Variants in ECPAS observed in about 807,000 individuals in gnomAD.
ECPAS encodes proteasome adapter and scaffold protein ECM29.
ECPAS carries 70 observed loss-of-function variants against 255.1 expected under a neutral mutation model. The ratio of observed to expected loss-of-function variants is 0.27; its 90% CI spans 0.23 to 0.33. The LOEUF (loss-of-function observed/expected upper bound fraction) is 0.33, where lower values mean the gene tolerates loss of function less well. Among genes scored for constraint, ECPAS ranks in the 10% least tolerant of loss-of-function variants. The probability of loss-of-function intolerance (pLI) is 1.00; values close to 1 mark genes in which losing one functional copy is unlikely to be tolerated. For synonymous variants in ECPAS, 784 were observed against 775.0 expected (o/e 1.01, Z -0.19); for missense variants, 1,817 against 2,206.4 (o/e 0.82, Z 3.54).
In ECPAS at chr9:111,384,884, TAA is replaced by T. The variant is rs576787692; in HGVS notation, c.3634-317_3634-316del. On this transcript the variant is annotated intron_variant, in intron 33 of 49. Coordinates refer to ENST00000684092, the MANE Select transcript of ECPAS (RefSeq NM_001364929.1). ...ATCTATGTGAGAATTCTGAAACACTTAAAAGCCTCCAATAAATAAAGCAAAAA... is the reference window on the plus strand; with the variant it reads ...ATCTATGTGAGAATTCTGAAACACTTAAGCCTCCAATAAATAAAGCAAAAA... 1.8e-3 allele frequency among the ~76,000 whole-genome samples: 274 copies of T among 152,192 alleles called. 2 individuals carry two copies. Among genetic ancestry groups the T allele is most frequent in the Middle Eastern group, 0.01 (3 of 294 alleles).
chr9:111,474,939 C>A (rs530280954), intron 1 of ECPAS, among the ~76,000 whole-genome samples: 2 of 152,160 alleles, frequency 1.3e-5, no homozygotes, highest in Admixed American at 6.6e-5. Context: ...TTCACACAGC[C>A]GTAGCACCCC....
chr9:111,371,811 C>A lies in ECPAS; in HGVS notation c.4547G>T (p.Arg1516Leu), dbSNP rs769118286. The change falls in exon 43 of 50, where the codon CGA (arginine) becomes CTA (leucine). Residue 1516 changes from arginine to leucine, a missense_variant. Coordinates refer to ENST00000684092, the MANE Select transcript of ECPAS (RefSeq NM_001364929.1). ...ENVPGSFGGI[R>L]LYLQELITIT... ...AGTAATTAACTCCTGCAGGTATAAT[C>A]GAATGCCACCAAAGGATCCTAGGAA... 33 of 1,612,216 alleles carry A rather than the reference C, an allele frequency of 2.0e-5. No individual in the cohort carries two copies. Among genetic ancestry groups the A allele is most frequent in the Non-Finnish European group, 2.8e-5 (33 of 1,178,594 alleles).
In ECPAS at chr9:111,384,436, C is replaced by A; in HGVS notation, c.3681+86G>T. 2.4e-6 allele frequency: 3 copies of A among 1,239,370 alleles called. No homozygotes were observed. The South Asian group carries it at 3.7e-5, about 15-fold the overall frequency. 76.8% of individuals were successfully genotyped at this position (1,239,370 alleles called of 1,614,324 possible). A position where few individuals can be genotyped will look rare whatever the true frequency, so the allele number is the denominator to read the frequency against. ...AGCCAATTATACTGCAACTAAATGTCTTTTCCTATGACAGTAAGTAAATCA... is the reference window on the plus strand; with the variant it reads ...AGCCAATTATACTGCAACTAAATGTATTTTCCTATGACAGTAAGTAAATCA... On this transcript the variant is annotated intron_variant, in intron 34 of 49. Transcript: ENST00000684092.
chr9:111,475,669 G>A (rs2098295291), intron 1 of ECPAS, among the ~76,000 whole-genome samples: 1 of 151,556 alleles, frequency 6.6e-6, no homozygotes, highest in Non-Finnish European at 1.5e-5. Context: ...CTGGGAGGCA[G>A]AGGTTGCAAT....
chr9:111,378,677 T>G lies in ECPAS; in HGVS notation c.3857A>C (p.His1286Pro). The part of the protein sequence containing the change: ...SKSAGAMLKP[H>P]APKLIPALLE... ...CAGAGCTGGAATGAGTTTTGGTGCA[T>G]GCGGTTTCAACATGGCTCCTGCACT... The change falls in exon 36 of 50, where the codon CAT (histidine) becomes CCT (proline). Residue 1286 changes from histidine to proline, a missense_variant. His to Pro is a moderately conservative substitution (Grantham distance 77). This residue lies in a region of ECPAS where 960 missense variants were observed against 1,179.0 expected (regional missense o/e 0.81). Transcript: ENST00000684092. 1 of 1,613,838 alleles carries G rather than the reference T, an allele frequency of 6.2e-7. No homozygotes were observed. Among genetic ancestry groups the G allele is most frequent in the South Asian group, 1.1e-5 (1 of 91,066 alleles).
chr9:111,417,984 C>T lies in ECPAS; in HGVS notation c.1582G>A (p.Ala528Thr). The T allele has an allele frequency of 2.5e-6, 4 of 1,604,226 alleles. No homozygotes were observed. The highest frequency in any genetic ancestry group is 2.6e-6 in the Non-Finnish European group (3 of 1,176,170). ...GDPREEVHGEAQRVLRCLPGR... is the reference protein window; with the variant it reads ...GDPREEVHGETQRVLRCLPGR... Reference sequence around the variant, plus strand: ...GGAAGACACCTTAATACGCGTTGTGCTTCTCCATGAACTTCTTCACGTCTT... The same window carrying T: ...GGAAGACACCTTAATACGCGTTGTGTTTCTCCATGAACTTCTTCACGTCTT... The change falls in exon 17 of 50, where the codon GCA (alanine) becomes ACA (threonine). Residue 528 changes from alanine (A) to threonine (T), a missense_variant. Ala to Thr is a moderately conservative substitution (Grantham distance 58, BLOSUM62 0). Around this residue, in one of 4 missense-constraint regions of ECPAS, gnomAD observed 573 missense variants for 716.2 expected, o/e 0.80. Coordinates refer to ENST00000684092, the MANE Select transcript of ECPAS (RefSeq NM_001364929.1).
intron 46 of ECPAS, among the ~76,000 whole-genome samples, 174 bp from the exon 47 acceptor site, chr9:111,366,801 A>T (rs1025204598): frequency 5.9e-5 from 9 of 152,180 alleles, no homozygotes; most frequent in Non-Finnish European, 1.2e-4. Context: ...AACAATAAAT[A>T]CTTTTAATTA....
chr9:111,460,042 AAAT>A (rs1246730188), intron 2 of ECPAS, among the ~76,000 whole-genome samples: 4 of 152,224 alleles, frequency 2.6e-5, no homozygotes, highest in Non-Finnish European at 4.4e-5. Context: ...TGAGATAATA[AAAT>A]AATATTTAAA....
chr9:111,422,600 C>T (rs866468488), intron 13 of ECPAS, among the ~76,000 whole-genome samples: 11 of 152,120 alleles, frequency 7.2e-5, no homozygotes, highest in African/African-American at 2.7e-4. Flanking sequence ...CTTCCAAACC[C>T]CAAAGCTCCT....
intron 35 of ECPAS, among the ~76,000 whole-genome samples, chr9:111,380,191 G>A (rs2098138858): frequency 6.6e-6 from 1 of 152,214 alleles, no homozygotes. Context: ...CAGAATGGAT[G>A]TTGTGTTATG....
At chr9:111,423,314 T>A in intron 12 of ECPAS, 66 bp from the exon 13 acceptor site, 1 of 1,120,176 alleles carries the variant, frequency 8.9e-7, no homozygotes, top group Non-Finnish European at 1.3e-6. Flanking sequence ...AAAAATACAG[T>A]AAACAGTAAA....
At chr9:111,482,566 C>A (rs2098307582) in intron 1 of ECPAS, among the ~76,000 whole-genome samples, 1 of 152,284 alleles carries the variant, frequency 6.6e-6, no homozygotes, top group South Asian at 2.1e-4. Flanking sequence ...AACACCTCAC[C>A]CATGCTTTAT....
intron 31 of ECPAS, among the ~76,000 whole-genome samples, chr9:111,387,789 CA>C (rs1289858598): frequency 1.3e-5 from 2 of 151,704 alleles, no homozygotes. Context: ...GACAGAGTCT[CA>C]CTCATCATCA....
At chr9:111,391,370 G>C in intron 29 of ECPAS, among the ~76,000 whole-genome samples, 1 of 152,074 alleles carries the variant, frequency 6.6e-6, no homozygotes, top group Admixed American at 6.5e-5. Context: ...CTGAGGTCAG[G>C]AGTTTGACAC....
intron 33 of ECPAS, 151 bp downstream of exon 33, chr9:111,385,186 T>G (rs1470072035): frequency 1.5e-5 from 8 of 549,200 alleles, no homozygotes; most frequent in Non-Finnish European, 2.6e-5. Context: ...ACCTTGCAAC[T>G]TCACAGACAC....
chr9:111,391,220 A>G (rs749558181), intron 29 of ECPAS, among the ~76,000 whole-genome samples: 10 of 151,656 alleles, frequency 6.6e-5, no homozygotes, highest in Non-Finnish European at 1.3e-4. Context: ...CCCCTAGGGC[A>G]CTCCCCAGTA....
intron 24 of ECPAS, among the ~76,000 whole-genome samples, chr9:111,405,689 A>T (rs2098182964): frequency 6.7e-6 from 1 of 149,934 alleles, no homozygotes; most frequent in Non-Finnish European, 1.5e-5. Context: ...AATTCAACTC[A>T]ATAGCAAATA....
At chr9:111,482,389 T>C (rs2098307124) in intron 1 of ECPAS, among the ~76,000 whole-genome samples, 1 of 152,200 alleles carries the variant, frequency 6.6e-6, no homozygotes, top group Non-Finnish European at 1.5e-5. Context: ...ACAAGGATAA[T>C]TCCTACCTAT....
chr9:111,366,767 G>C (rs566106894), intron 46 of ECPAS, 140 bp from the exon 47 acceptor site: 1 of 600,696 alleles, frequency 1.7e-6, no homozygotes, highest in Admixed American at 3.0e-5. Context: ...ATAAGAGAGA[G>C]AAAAGCAGGA....
Sources: allele counts gnomAD v4.1 joint callset (sites outside exome capture counted in the v4.1 genomes callset), GRCh38; gene constraint gnomAD v4.1.1; regional missense constraint gnomAD v4.1.1; transcripts MANE v1.5; gene names NCBI Gene and HGNC (gene_info 2026-07-23, HGNC 2026-07-21).